RFX4: variants seen among roughly 807,000 people sequenced by gnomAD.
RFX4 encodes transcription factor RFX4.
RFX4 carries 10 observed loss-of-function variants against 95.0 expected under a neutral mutation model. That is an observed-to-expected ratio of 0.11 (90% confidence interval 0.06 to 0.18). The LOEUF (loss-of-function observed/expected upper bound fraction) is 0.18. Ranked by LOEUF, RFX4 falls within the 10% of genes least tolerant of loss-of-function variation. The probability of loss-of-function intolerance (pLI) is 1.00; values close to 1 mark genes in which losing one functional copy is unlikely to be tolerated. For synonymous variants in RFX4, 321 were observed against 340.7 expected (o/e 0.94, Z 0.64); for missense variants, 640 against 922.0 (o/e 0.69, Z 3.96).
At chr12:106,665,301 T>C (rs11113076) in intron 4 of RFX4, among the ~76,000 whole-genome samples, 32,489 of 151,796 alleles carry the variant, frequency 0.21, 3,703 homozygotes, top group South Asian at 0.28. Context: ...ATTAATATAG[T>C]TATTCCTGTT....
At chr12:106,592,664 C>T (rs1175598573) in intron 1 of RFX4, among the ~76,000 whole-genome samples, 1 of 145,304 alleles carries the variant, frequency 6.9e-6, no homozygotes, top group African/African-American at 2.5e-5. Context: ...TTTTAGGCAT[C>T]ACTGTTTTAA....
intron 15 of RFX4, among the ~76,000 whole-genome samples, chr12:106,735,573 A>G (rs114082260): frequency 6.6e-6 from 1 of 152,240 alleles, no homozygotes; most frequent in Non-Finnish European, 1.5e-5. Context: ...CAGACTTCTC[A>G]TTTGCAACAT....
At chr12:106,758,296 G>T (rs1464523788) in intron 17 of RFX4, among the ~76,000 whole-genome samples, 1 of 152,138 alleles carries the variant, frequency 6.6e-6, no homozygotes, top group African/African-American at 2.4e-5. Context: ...GTCTTTCAAT[G>T]GTCTCTTCAC....
chr12:106,645,928 T>TG (rs1403910553), intron 3 of RFX4: 20 of 1,288,996 alleles, frequency 1.6e-5, no homozygotes, highest in Non-Finnish European at 2.0e-5. Flanking sequence ...CAGCTACAGA[T>TG]GGAGAAAGGT....
chr12:106,645,691 T>C (rs1452343563), intron 3 of RFX4, among the ~76,000 whole-genome samples: 3 of 152,234 alleles, frequency 2.0e-5, no homozygotes, highest in African/African-American at 7.2e-5. Flanking sequence ...ATTGACATTT[T>C]AGACCAGATC....
intron 9 of RFX4, 100 bp downstream of exon 9, chr12:106,709,530 G>A (rs2042152602): frequency 1.2e-6 from 1 of 820,360 alleles, no homozygotes; most frequent in Non-Finnish European, 1.9e-6. Flanking sequence ...CTGTTTACTG[G>A]TTGACTATAA....
At position 106,639,458 on chromosome 12, in the gene RFX4, G is replaced by A. The variant is rs1052991793; in HGVS notation, c.191+66G>A. The A allele has an allele frequency of 4.3e-5, 59 of 1,384,206 alleles. No individual in the cohort carries two copies. The South Asian group carries it at 6.5e-4, about 15-fold the overall frequency. The allele number at this position is 1,384,206 out of a possible 1,614,324, so 85.7% of individuals were successfully genotyped here. A position where few individuals can be genotyped will look rare whatever the true frequency, so the allele number is the denominator to read the frequency against. ...CTCATATCTTCTTGTCTATAGGATA[G>A]GATATCACTTGGATATTTTAACATT... On this transcript the variant is annotated intron_variant, in intron 3 of 17. Coordinates refer to ENST00000392842, the MANE Select transcript of RFX4 (RefSeq NM_213594.3).
intron 1 of RFX4, among the ~76,000 whole-genome samples, chr12:106,592,773 T>G (rs2039567097): frequency 2.6e-5 from 4 of 152,174 alleles, no homozygotes; most frequent in Admixed American, 2.6e-4. Flanking sequence ...CAGAGAGAGT[T>G]TGGTTCTTTT....
chr12:106,658,187 G>A (rs931432390), intron 4 of RFX4, among the ~76,000 whole-genome samples: 1 of 152,090 alleles, frequency 6.6e-6, no homozygotes, highest in Non-Finnish European at 1.5e-5. Context: ...TCACTTTTAC[G>A]TATGTGAACT....
intron 8 of RFX4, among the ~76,000 whole-genome samples, chr12:106,701,933 T>C (rs1395478601): frequency 1.3e-5 from 2 of 152,116 alleles, no homozygotes; most frequent in East Asian, 3.9e-4. Flanking sequence ...GGAAAATTAA[T>C]TGAGCCCAGA....
At chr12:106,609,494 T>G (rs945707757) in intron 2 of RFX4, among the ~76,000 whole-genome samples, 4 of 152,216 alleles carry the variant, frequency 2.6e-5, no homozygotes, top group African/African-American at 9.6e-5. Context: ...AGTCTAATTT[T>G]TTGCAGAGTC....
intron 2 of RFX4, among the ~76,000 whole-genome samples, chr12:106,610,124 A>C (rs1414506202): frequency 6.6e-6 from 1 of 151,946 alleles, no homozygotes; most frequent in Non-Finnish European, 1.5e-5. Flanking sequence ...AGAATAAAAC[A>C]CTACTCGAGA....
At chr12:106,645,817 A>G in intron 3 of RFX4, 1 of 925,976 alleles carries the variant, frequency 1.1e-6, no homozygotes, top group Non-Finnish European at 1.5e-6. Flanking sequence ...TGAGTTAGGT[A>G]ACATGGTTCT....
At chr12:106,731,745 GAT>G (rs1307123827) in intron 13 of RFX4, among the ~76,000 whole-genome samples, 1 of 152,186 alleles carries the variant, frequency 6.6e-6, no homozygotes, top group African/African-American at 2.4e-5. Flanking sequence ...TGGTGGAAGA[GAT>G]AAAAATGAGA....
At chr12:106,692,030 G>A (rs1418901263) in intron 7 of RFX4, among the ~76,000 whole-genome samples, 1 of 152,022 alleles carries the variant, frequency 6.6e-6, no homozygotes, top group Admixed American at 6.6e-5. Flanking sequence ...GGTGGCGCGT[G>A]CCTGTAGTCC....
intron 1 of RFX4, 86 bp from the exon 2 acceptor site, chr12:106,608,711 C>T (rs893019702): frequency 2.5e-6 from 3 of 1,204,392 alleles, no homozygotes; most frequent in Non-Finnish European, 2.3e-6. Flanking sequence ...TTATGATGTT[C>T]TGTCTCTTCA....
chr12:106,714,536 C>G (rs928733391), intron 10 of RFX4, among the ~76,000 whole-genome samples: 1 of 151,984 alleles, frequency 6.6e-6, no homozygotes, highest in Non-Finnish European at 1.5e-5. Context: ...ACAATGTCTT[C>G]GTGTATTTTA....
chr12:106,628,269 C>A (rs1193867282), intron 2 of RFX4, among the ~76,000 whole-genome samples: 1 of 152,154 alleles, frequency 6.6e-6, no homozygotes, highest in African/African-American at 2.4e-5. Context: ...CAGGCCAGGG[C>A]CCCTCCACCC....
chr12:106,622,422 A>G (rs2040203409), intron 2 of RFX4, among the ~76,000 whole-genome samples: 2 of 151,922 alleles, frequency 1.3e-5, no homozygotes, highest in Non-Finnish European at 2.9e-5. Context: ...ATATATGTAT[A>G]TATTTATAGT....
Sources: gnomAD v4.1 joint callset for allele counts (sites outside exome capture counted in the v4.1 genomes callset) on GRCh38, gnomAD v4.1.1 for gene constraint, MANE v1.5 for transcripts, NCBI Gene and HGNC (gene_info 2026-07-23, HGNC 2026-07-21) for gene names.